Variants in OGT observed in about 807,000 individuals in gnomAD.
OGT encodes the protein O-linked N-acetylglucosamine (GlcNAc) transferase, also known as UDP-N-acetylglucosamine--peptide N-acetylglucosaminyltransferase 110 kDa subunit.
In OGT, 3 loss-of-function variants were observed where a neutral mutation model predicts 75.8. The ratio of observed to expected loss-of-function variants is 0.04; its 90% CI spans 0.02 to 0.10. The LOEUF is 0.10. OGT is among the 10% of genes least tolerant of loss of function. The pLI is 1.00. For missense variants in OGT, 260 were observed against 824.4 expected (o/e 0.32, Z 8.38); for synonymous variants, 257 against 289.7 (o/e 0.89, Z 1.15).
At chrX:71,573,359 G>A (rs889577863) in intron 21 of OGT, among the ~76,000 whole-genome samples, 1 of 112,158 alleles carries the variant, frequency 8.9e-6, no homozygotes, top group Non-Finnish European at 1.9e-5. Flanking sequence ...AAGACGAAAT[G>A]GAGAACGCGT....
chrX:71,534,043 C>T (rs1351256140), intron 1 of OGT, among the ~76,000 whole-genome samples: 1 of 111,066 alleles, frequency 9.0e-6, no homozygotes, highest in East Asian at 2.8e-4. Flanking sequence ...GATTTCCCAC[C>T]CTGTCCGCGG....
Position 71,543,889 on chromosome X carries a change from C to T in OGT, c.463-678C>T, listed in dbSNP as rs144119484. ...GCAGTCACTGCCTCCTGGGTTCAACCGATTCTCCTGCTTAAGCCTCCCAAA... is the reference window on the plus strand; with the variant it reads ...GCAGTCACTGCCTCCTGGGTTCAACTGATTCTCCTGCTTAAGCCTCCCAAA... On this transcript the variant is annotated intron_variant, in intron 3 of 21. Coordinates refer to ENST00000373719, the MANE Select transcript of OGT (RefSeq NM_181672.3). Among the ~76,000 whole-genome samples the T allele has an allele frequency of 6.5e-3, 703 of 107,656 alleles. 5 individuals carry two copies. Among genetic ancestry groups the T allele is most frequent in the African/African-American group, 0.023 (680 of 29,648 alleles). 93.5% of individuals were successfully genotyped at this position (107,656 alleles called of 115,157 possible). A position where few individuals can be genotyped will look rare whatever the true frequency, so the allele number is the denominator to read the frequency against.
intron 7 of OGT, 140 bp from the exon 8 acceptor site, chrX:71,555,814 G>A: frequency 1.5e-6 from 1 of 676,426 alleles, no homozygotes; most frequent in Non-Finnish European, 2.2e-6. Context: ...TAGAGTTTTG[G>A]TTGAGGGTAA....
At position 71,573,767 on chromosome X, in the gene OGT, G is replaced by A. The variant is rs1287964029; in HGVS notation, c.3114G>A (p.Lys1038=). 1 of 1,204,451 alleles carries A rather than the reference G, an allele frequency of 8.3e-7. No homozygotes were observed. The highest frequency in any genetic ancestry group is 2.2e-5 in the Admixed American group (1 of 44,815). ...AAGNKPDHMI[K]PVEVTESA Reference sequence around the variant, plus strand: ...GCAACAAACCTGACCACATGATTAAGCCTGTTGAAGTCACTGAGTCAGCAT... The same window carrying A: ...GCAACAAACCTGACCACATGATTAAACCTGTTGAAGTCACTGAGTCAGCAT... Residue 1038 remains lysine (K), a synonymous_variant, in exon 22 of 22, where the codon AAG becomes AAA. Coordinates refer to ENST00000373719, the MANE Select transcript of OGT (RefSeq NM_181672.3).
At position 71,559,250 on chromosome X, in the gene OGT, T is replaced by C. The variant is rs1602149958; in HGVS notation, c.1603-17T>C. 8.4e-7 allele frequency: 1 copy of C among 1,192,238 alleles called. No homozygotes were observed. Among genetic ancestry groups the C allele is most frequent in the East Asian group, 3.0e-5 (1 of 33,715 alleles). ...TTTATGTAGATTTTACTAACAAGCA[T>C]TGGATTCTGTTGATAGATTAATGTT... is the stretch of plus-strand genomic sequence containing the variant. On this transcript the variant is annotated splice_polypyrimidine_tract_variant and intron_variant, in intron 12 of 21. Coordinates refer to ENST00000373719, the MANE Select transcript of OGT (RefSeq NM_181672.3).
At chrX:71,550,074 T>C (rs2040291994) in intron 5 of OGT, among the ~76,000 whole-genome samples, 1 of 112,218 alleles carries the variant, frequency 8.9e-6, no homozygotes, top group African/African-American at 3.2e-5. Flanking sequence ...AAAAATTCAT[T>C]GGTCATCTTT....
At position 71,567,606 on chromosome X, in the gene OGT, G is replaced by A. The variant is rs773673612; in HGVS notation, c.2696G>A (p.Arg899His). Reference sequence around the variant, plus strand: ...CAAAACATGGGCCTGCCCCAGAACCGTATCATTTTTTCACCTGTTGCTCCT... The same window carrying A: ...CAAAACATGGGCCTGCCCCAGAACCATATCATTTTTTCACCTGTTGCTCCT... ...YAQNMGLPQN[R>H]IIFSPVAPKE... Residue 899 changes from arginine (R) to histidine (H), a missense_variant, in exon 20 of 22, where the codon CGT becomes CAT. By Grantham distance (29) the Arg-to-His change is conservative. Around this residue, in one of 6 missense-constraint regions of OGT, gnomAD observed 79 missense variants for 141.0 expected, o/e 0.56. Transcript: ENST00000373719. 1.7e-6 allele frequency: 2 copies of A among 1,210,765 alleles called. No individual in the cohort carries two copies. The highest frequency in any genetic ancestry group is 2.2e-6 in the Non-Finnish European group (2 of 894,729).
chrX:71,540,768 GT>G (rs2040212483), intron 3 of OGT, among the ~76,000 whole-genome samples: 1 of 108,854 alleles, frequency 9.2e-6, no homozygotes, highest in Non-Finnish European at 1.9e-5. Context: ...TGCCTCCTGG[GT>G]TCAAACGATT....
intron 4 of OGT, chrX:71,547,334 G>A: frequency 1.4e-6 from 1 of 714,933 alleles, no homozygotes; most frequent in Non-Finnish European, 1.7e-6. Context: ...AATGCCCAAT[G>A]AAAGAAGAGT....
intron 3 of OGT, among the ~76,000 whole-genome samples, chrX:71,542,936 G>T (rs1389007798): frequency 2.7e-5 from 3 of 111,762 alleles, no homozygotes; most frequent in Non-Finnish European, 5.6e-5. Context: ...ATTAGTATTA[G>T]CCTTTTGTGC....
intron 4 of OGT, 121 bp from the exon 5 acceptor site, chrX:71,547,786 A>C: frequency 8.7e-7 from 1 of 1,148,405 alleles, no homozygotes; most frequent in Non-Finnish European, 1.1e-6. Context: ...TGGTCAGAGA[A>C]GGAATAATGA....
chrX:71,554,657 G>T, intron 6 of OGT, 65 bp downstream of exon 6: 1 of 879,578 alleles, frequency 1.1e-6, no homozygotes, highest in South Asian at 2.1e-5. Flanking sequence ...TGACAGTTTG[G>T]ACCGAAATGA....
Position 71,540,672 on chromosome X carries a change from A to AT in OGT, c.462+2616dup, listed in dbSNP as rs769056244. 9.1e-3 allele frequency among the ~76,000 whole-genome samples: 860 copies of AT among 94,338 alleles called. 9 individuals carry two copies. The highest frequency in any genetic ancestry group is 0.027 in the African/African-American group (710 of 25,856). 81.9% of individuals were successfully genotyped at this position (94,338 alleles called of 115,157 possible). On this transcript the variant is annotated intron_variant, in intron 3 of 21. Transcript: ENST00000373719. Reference sequence around the variant, plus strand: ...AATTTTGGTAAGATTTTAGTCTGTCATTTTTTTTTTTTTTTTGGAGACGGA... The same window carrying AT: ...AATTTTGGTAAGATTTTAGTCTGTCATTTTTTTTTTTTTTTTTGGAGACGGA...
chrX:71,564,497 A>G, intron 18 of OGT, 104 bp from the exon 19 acceptor site: 1 of 624,257 alleles, frequency 1.6e-6, no homozygotes, highest in Admixed American at 4.2e-5. Context: ...ATATTTTCTC[A>G]TGGTTCAGTG....
At chrX:71,538,161 C>T (rs2040193069) in intron 3 of OGT, 89 bp downstream of exon 3, 9 of 1,041,428 alleles carry the variant, frequency 8.6e-6, no homozygotes, top group Admixed American at 2.7e-5. Context: ...TAGGTTTTCA[C>T]ATGGAATAAA....
At chrX:71,558,349 T>G (rs1436029779) in intron 12 of OGT, among the ~76,000 whole-genome samples, 1 of 110,036 alleles carries the variant, frequency 9.1e-6, no homozygotes, top group Non-Finnish European at 1.9e-5. Context: ...GATAATAGAT[T>G]GGAGTGCTAG....
At chrX:71,538,133 A>G in intron 3 of OGT, 61 bp downstream of exon 3, 1 of 1,142,080 alleles carries the variant, frequency 8.8e-7, no homozygotes, top group Non-Finnish European at 1.2e-6. Flanking sequence ...ACATAGTGTG[A>G]TATTTCAGAC....
chrX:71,567,447 G>A (rs1373876417), intron 19 of OGT, 53 bp from the exon 20 acceptor site: 2 of 1,049,723 alleles, frequency 1.9e-6, no homozygotes, highest in Middle Eastern at 2.8e-4. Context: ...GGGAGTCTTT[G>A]TTGAAAAAGG....
At chrX:71,536,444 T>G in intron 2 of OGT, 86 bp downstream of exon 2, 1 of 822,821 alleles carries the variant, frequency 1.2e-6, no homozygotes, top group East Asian at 3.9e-5. Flanking sequence ...GAACTTGAAA[T>G]TTTTCCAGTA....
Sources: allele counts gnomAD v4.1 joint callset (sites outside exome capture counted in the v4.1 genomes callset), GRCh38; gene constraint gnomAD v4.1.1; regional missense constraint gnomAD v4.1.1; transcripts MANE v1.5; gene names NCBI Gene and HGNC (gene_info 2026-07-23, HGNC 2026-07-21).